The following GIGYF2 variants were observed in gnomAD, a reference collection of about 807,000 sequenced individuals.
GIGYF2 encodes GRB10-interacting GYF protein 2.
A neutral mutation model predicts 208.1 loss-of-function variants in GIGYF2; 25 were observed. The observed-to-expected ratio is 0.12, with a 90% CI of 0.09 to 0.17. GIGYF2 has a LOEUF of 0.17. Among genes scored for constraint, GIGYF2 ranks in the 10% least tolerant of loss-of-function variants. GIGYF2 has a pLI of 1.00. For missense variants in GIGYF2, 1,302 were observed against 1,579.4 expected (o/e 0.82, Z 2.98); for synonymous variants, 534 against 543.8 (o/e 0.98, Z 0.25).
intron 8 of GIGYF2, chr2:232,768,151 C>G (rs1366411593): frequency 6.2e-7 from 1 of 1,602,904 alleles, no homozygotes; most frequent in Non-Finnish European, 8.5e-7. Flanking sequence ...AGCTGCATAA[C>G]TGGCTGGGTG....
chr2:232,856,930 A>G lies in GIGYF2; in HGVS notation c.*70A>G, dbSNP rs1690600500. The G allele has an allele frequency of 1.0e-6, 1 of 969,724 alleles. No homozygotes were observed. Among genetic ancestry groups the G allele is most frequent in the African/African-American group, 1.6e-5 (1 of 62,824 alleles). 60.1% of individuals were successfully genotyped at this position (969,724 alleles called of 1,614,324 possible). A position where few individuals can be genotyped will look rare whatever the true frequency, so the allele number is the denominator to read the frequency against. On this transcript the variant is annotated 3_prime_UTR_variant, in exon 29 of 29. Transcript: ENST00000373563. ...TGGAGTCTCCACCTTTGGACACAAC[A>G]CTTACTCACCATTTACTCTTTATCA...
At chr2:232,729,286 G>C (rs879038370) in intron 2 of GIGYF2, among the ~76,000 whole-genome samples, 1 of 152,128 alleles carries the variant, frequency 6.6e-6, no homozygotes, top group Non-Finnish European at 1.5e-5. Context: ...GGCCTCCAGA[G>C]CTGTTTTCTA....
At chr2:232,760,389 G>C (rs556033051) in intron 6 of GIGYF2, 91 bp from the exon 7 acceptor site, 16 of 837,058 alleles carry the variant, frequency 1.9e-5, no homozygotes, top group Non-Finnish European at 2.8e-5. Flanking sequence ...GCCTTGTATA[G>C]AGATAGAACT....
intron 2 of GIGYF2, among the ~76,000 whole-genome samples, chr2:232,721,015 C>G (rs6758241): frequency 1.3e-5 from 2 of 152,136 alleles, no homozygotes; most frequent in African/African-American, 4.8e-5. Context: ...AGGGAAGAAC[C>G]CGATCATCTT....
intron 15 of GIGYF2, among the ~76,000 whole-genome samples, chr2:232,808,948 T>C (rs113823883): frequency 0.023 from 3,434 of 152,186 alleles, 137 homozygotes; most frequent in African/African-American, 0.078. Flanking sequence ...TACATACATA[T>C]ATATATATTT....
At chr2:232,764,013 T>C (rs761750715) in intron 8 of GIGYF2, among the ~76,000 whole-genome samples, 6 of 152,242 alleles carry the variant, frequency 3.9e-5, no homozygotes, top group East Asian at 1.9e-4. Context: ...TTCTCACTTA[T>C]GTGCTAGGTG....
chr2:232,853,334 G>A (rs917947749), intron 28 of GIGYF2, among the ~76,000 whole-genome samples: 7 of 152,148 alleles, frequency 4.6e-5, no homozygotes, highest in African/African-American at 9.7e-5. Context: ...ATATTCTCCA[G>A]TATCTCCTAT....
In GIGYF2 at chr2:232,717,426, A is replaced by G. The variant is rs1696738258; in HGVS notation, c.-44+13937A>G. Among the ~76,000 whole-genome samples the G allele has an allele frequency of 2.6e-5, 4 of 152,166 alleles. No homozygotes were observed. In the South Asian group the frequency reaches 8.3e-4, roughly 32 times the overall value. ...CATATACATGTATATGTACTTTTGT[A>G]GTCACCACTTAGATCATGATAGTGA... On this transcript the variant is annotated intron_variant, in intron 2 of 28. Transcript: ENST00000373563.
intron 12 of GIGYF2, among the ~76,000 whole-genome samples, chr2:232,792,967 G>C (rs531969069): frequency 1.3e-5 from 2 of 152,282 alleles, no homozygotes; most frequent in Admixed American, 6.5e-5. Flanking sequence ...CAAAAAGTAA[G>C]ATAAGGGTTC....
intron 21 of GIGYF2, among the ~76,000 whole-genome samples, chr2:232,824,243 T>C (rs1701182842): frequency 6.6e-6 from 1 of 152,146 alleles, no homozygotes; most frequent in Non-Finnish European, 1.5e-5. Flanking sequence ...ACACTTTAAA[T>C]TGAATGCTAG....
Position 232,836,321 on chromosome 2 carries a change from T to C in GIGYF2, c.2766+3228T>C, listed in dbSNP as rs373211143. ...ATATATATATATATATATATATATA[T>C]ATATATATACATATATATACTTATA... On this transcript the variant is annotated intron_variant, in intron 22 of 28. Transcript: ENST00000373563. Among the ~76,000 whole-genome samples, 125 of 19,696 alleles carry C rather than the reference T, an allele frequency of 6.3e-3. 2 individuals are homozygous for C. The highest frequency in any genetic ancestry group is 0.011 in the Non-Finnish European group (97 of 8,752). The allele number at this position is 19,696 out of a possible 152,430, so 12.9% of individuals were successfully genotyped here. A position where few individuals can be genotyped will look rare whatever the true frequency, so the allele number is the denominator to read the frequency against.
intron 26 of GIGYF2, 137 bp downstream of exon 26, chr2:232,846,023 T>G: frequency 1.4e-6 from 1 of 705,626 alleles, no homozygotes; most frequent in East Asian, 2.7e-5. Flanking sequence ...CCATAGGAAC[T>G]TGACTCTTTA....
At chr2:232,722,122 A>G (rs1696971972) in intron 2 of GIGYF2, among the ~76,000 whole-genome samples, 1 of 152,112 alleles carries the variant, frequency 6.6e-6, no homozygotes, top group Non-Finnish European at 1.5e-5. Context: ...TCAGGCTGCT[A>G]AGTTGGAGAA....
intron 2 of GIGYF2, among the ~76,000 whole-genome samples, chr2:232,731,607 C>T (rs1297145071): frequency 6.6e-6 from 1 of 152,214 alleles, no homozygotes; most frequent in Non-Finnish European, 1.5e-5. Flanking sequence ...TTTTAGAAAA[C>T]ACACTGAATT....
At chr2:232,810,431 G>A (rs1326524718) in intron 16 of GIGYF2, 1 of 153,136 alleles carries the variant, frequency 6.5e-6, no homozygotes, top group Admixed American at 6.5e-5. Context: ...GCGAGAGGGT[G>A]GGAAAGAAGT....
chr2:232,787,427 TGTGGG>T, intron 9 of GIGYF2, 98 bp downstream of exon 9: 5 of 1,069,262 alleles, frequency 4.7e-6, no homozygotes, highest in Non-Finnish European at 5.6e-6. Flanking sequence ...GCTTAAAAAA[TGTGGG>T]GGTGGATTCA....
rs115927602 is a variant in GIGYF2, at chr2:232,788,506, A to G, written c.712+1177A>G. The G allele has an allele frequency of 3.0e-3, 1,410 of 464,286 alleles. 18 individuals carry two copies. The highest frequency in any genetic ancestry group is 0.024 in the African/African-American group (1,221 of 50,020). The allele number at this position is 464,286 out of a possible 1,614,324, so 28.8% of individuals were successfully genotyped here. A position where few individuals can be genotyped will look rare whatever the true frequency, so the allele number is the denominator to read the frequency against. On this transcript the variant is annotated intron_variant, in intron 9 of 28. Coordinates refer to ENST00000373563, the MANE Select transcript of GIGYF2 (RefSeq NM_001103146.3). Reference sequence around the variant, plus strand: ...TCCGTAGGCAGAGGGTTTGTAGACTATGTTCCCAACAAGCATTCAGTGAAG... The same window carrying G: ...TCCGTAGGCAGAGGGTTTGTAGACTGTGTTCCCAACAAGCATTCAGTGAAG...
At chr2:232,814,774 G>T (rs773627613) in intron 18 of GIGYF2, among the ~76,000 whole-genome samples, 1 of 151,952 alleles carries the variant, frequency 6.6e-6, no homozygotes, top group Non-Finnish European at 1.5e-5. Context: ...GTAGTGTTTT[G>T]GAAACTTTTA....
intron 5 of GIGYF2, 110 bp from the exon 6 acceptor site, chr2:232,756,113 A>G (rs974699581): frequency 9.0e-6 from 6 of 663,032 alleles, no homozygotes; most frequent in Non-Finnish European, 1.6e-5. Context: ...ATGCCTTTTT[A>G]TAGATGCAGT....
Sources: gnomAD v4.1 joint callset for allele counts (sites outside exome capture counted in the v4.1 genomes callset) on GRCh38, gnomAD v4.1.1 for gene constraint, MANE v1.5 for transcripts, NCBI Gene and HGNC (gene_info 2026-07-23, HGNC 2026-07-21) for gene names.